The following ZBTB20 variants were observed in gnomAD, a reference collection of about 807,000 sequenced individuals.
The protein encoded by ZBTB20 is zinc finger and BTB domain-containing protein 20.
In ZBTB20, 9 loss-of-function variants were observed where a neutral mutation model predicts 56.9. The observed-to-expected ratio is 0.16, with a 90% CI of 0.10 to 0.28. The LOEUF (loss-of-function observed/expected upper bound fraction) is 0.28, where lower values mean the gene tolerates loss of function less well. ZBTB20 is among the 10% of genes least tolerant of loss of function. ZBTB20 has a pLI of 1.00. For synonymous variants in ZBTB20, 417 were observed against 420.7 expected, an observed-to-expected ratio of 0.99 and a Z score of 0.11; for missense variants, 655 against 1,003.0, an observed-to-expected ratio of 0.65 and a Z score of 4.69.
At chr3:114,794,585 T>C (rs1401760993) in intron 5 of ZBTB20, among the ~76,000 whole-genome samples, 6 of 152,150 alleles carry the variant, frequency 3.9e-5, no homozygotes, top group Non-Finnish European at 8.8e-5. Flanking sequence ...AGGGTCTTTT[T>C]ACTGAGCTAT....
intron 2 of ZBTB20, among the ~76,000 whole-genome samples, chr3:115,028,276 A>G (rs2080509583): frequency 6.6e-6 from 1 of 150,848 alleles, no homozygotes; most frequent in South Asian, 2.1e-4. Context: ...TTCTGAAGCT[A>G]GCAAAAGCCT....
chr3:114,748,467 A>T (rs2067293262), intron 5 of ZBTB20, among the ~76,000 whole-genome samples: 1 of 151,160 alleles, frequency 6.6e-6, no homozygotes, highest in Admixed American at 6.6e-5. Context: ...AAATTCCAGG[A>T]AATTTTCACG....
At chr3:115,030,871 C>T (rs755383269) in intron 2 of ZBTB20, among the ~76,000 whole-genome samples, 14 of 151,220 alleles carry the variant, frequency 9.3e-5, no homozygotes, top group Admixed American at 8.6e-4. Flanking sequence ...TCTCATTAGA[C>T]GTTAATCTCT....
At chr3:114,505,568 T>C (rs1232659359) in intron 6 of ZBTB20, among the ~76,000 whole-genome samples, 1 of 152,170 alleles carries the variant, frequency 6.6e-6, no homozygotes, top group Non-Finnish European at 1.5e-5. Flanking sequence ...ATTTCCAATC[T>C]TTTTTCCTTA....
intron 4 of ZBTB20, among the ~76,000 whole-genome samples, chr3:114,892,467 A>C (rs1167103404): frequency 6.6e-6 from 1 of 152,236 alleles, no homozygotes; most frequent in African/African-American, 2.4e-5. Flanking sequence ...TACTGTCAGG[A>C]TCTGAATACA....
In ZBTB20 at chr3:114,839,235, G is replaced by A. The variant is rs182382843; in HGVS notation, c.-416-38061C>T. ...TGGCAATGTGCCAAAACCCCATTTCGACAAAAAATACAAAACTGTGCTTGG... is the reference window on the plus strand; with the variant it reads ...TGGCAATGTGCCAAAACCCCATTTCAACAAAAAATACAAAACTGTGCTTGG... On this transcript the variant is annotated intron_variant, in intron 4 of 11. Coordinates refer to ENST00000675478, the MANE Select transcript of ZBTB20 (RefSeq NM_001348800.3). 1.6e-3 allele frequency among the ~76,000 whole-genome samples: 242 copies of A among 151,908 alleles called. 1 individual carries two copies. Among genetic ancestry groups the A allele is most frequent in the African/African-American group, 5.4e-3 (223 of 41,422 alleles).
chr3:114,819,694 A>G (rs2073132135), intron 4 of ZBTB20, among the ~76,000 whole-genome samples: 1 of 151,950 alleles, frequency 6.6e-6, no homozygotes, highest in East Asian at 1.9e-4. Flanking sequence ...CCATGATCAT[A>G]CTAGAAAAAA....
intron 7 of ZBTB20, among the ~76,000 whole-genome samples, chr3:114,455,178 G>A (rs1405338444): frequency 6.6e-6 from 1 of 151,594 alleles, no homozygotes. Flanking sequence ...AGCGCGAGAG[G>A]GAGAGCGGCA....
At chr3:114,915,238 C>T (rs146838964) in intron 3 of ZBTB20, among the ~76,000 whole-genome samples, 16 of 151,922 alleles carry the variant, frequency 1.1e-4, no homozygotes, top group South Asian at 4.2e-4. Context: ...ATTACAGCTA[C>T]CATCTCATTA....
chr3:114,682,251 A>G (rs1398227599), intron 6 of ZBTB20, among the ~76,000 whole-genome samples: 1 of 152,212 alleles, frequency 6.6e-6, no homozygotes, highest in African/African-American at 2.4e-5. Context: ...AGGAAAAAAA[A>G]TGATTAGAAA....
At chr3:114,718,352 TC>T (rs2064657919) in intron 5 of ZBTB20, among the ~76,000 whole-genome samples, 1 of 152,114 alleles carries the variant, frequency 6.6e-6, no homozygotes, top group Non-Finnish European at 1.5e-5. Context: ...CATGAAGACT[TC>T]CTTTAAGAAT....
chr3:114,883,476 A>G (rs2107596872), intron 4 of ZBTB20, among the ~76,000 whole-genome samples: 1 of 152,358 alleles, frequency 6.6e-6, no homozygotes, highest in East Asian at 1.9e-4. Context: ...TCTAACCTTG[A>G]TTAATGCTCT....
intron 6 of ZBTB20, among the ~76,000 whole-genome samples, chr3:114,505,673 G>A (rs1250192863): frequency 6.6e-6 from 1 of 152,004 alleles, no homozygotes; most frequent in African/African-American, 2.4e-5. Context: ...GAAGTATTGC[G>A]TTAATTAATT....
chr3:114,669,005 T>G (rs2061213219), intron 6 of ZBTB20, among the ~76,000 whole-genome samples: 2 of 152,068 alleles, frequency 1.3e-5, no homozygotes, highest in Admixed American at 1.3e-4. Flanking sequence ...ACAACAAAAC[T>G]GTAGTTGTGG....
chr3:115,141,379 A>G (rs892934428), intron 1 of ZBTB20, among the ~76,000 whole-genome samples: 1 of 152,238 alleles, frequency 6.6e-6, no homozygotes. Flanking sequence ...GCTTGAATAC[A>G]TAAAGCAAAA....
intron 2 of ZBTB20, among the ~76,000 whole-genome samples, chr3:115,055,219 C>CTCTCTCTCTG (rs1320614735): frequency 6.6e-6 from 1 of 151,348 alleles, no homozygotes; most frequent in Non-Finnish European, 1.5e-5. Flanking sequence ...CTCTCTCTCT[C>CTCTCTCTCTG]TCTCTCACTG....
At chr3:114,430,624 A>G (rs1397677842) in intron 7 of ZBTB20, among the ~76,000 whole-genome samples, 2 of 152,240 alleles carry the variant, frequency 1.3e-5, no homozygotes, top group African/African-American at 4.8e-5. Flanking sequence ...ATTGATGTAG[A>G]AAATTCAAAT....
intron 5 of ZBTB20, among the ~76,000 whole-genome samples, chr3:114,774,786 G>A (rs1231930695): frequency 5.3e-5 from 8 of 151,362 alleles, no homozygotes; most frequent in Non-Finnish European, 1.2e-4. Flanking sequence ...TTCTTTTTTT[G>A]TTAATTAATT....
chr3:114,968,848 G>A (rs374011904), intron 3 of ZBTB20, among the ~76,000 whole-genome samples: 2 of 151,942 alleles, frequency 1.3e-5, no homozygotes, highest in Non-Finnish European at 2.9e-5. Context: ...AACTGTTTAC[G>A]ACTCATCTTG....
Sources: allele counts gnomAD v4.1 joint callset (sites outside exome capture counted in the v4.1 genomes callset), GRCh38; gene constraint gnomAD v4.1.1; transcripts MANE v1.5; gene names NCBI Gene and HGNC (gene_info 2026-07-23, HGNC 2026-07-21).